GRID1: variants seen among roughly 807,000 people sequenced by gnomAD.
GRID1 encodes the protein glutamate ionotropic receptor delta type subunit 1.
In GRID1, 28 loss-of-function variants were observed where a neutral mutation model predicts 98.0. The ratio of observed to expected loss-of-function variants is 0.29; its 90% CI spans 0.21 to 0.39. The LOEUF (loss-of-function observed/expected upper bound fraction) is 0.39, where lower values mean the gene tolerates loss of function less well. GRID1 is among the 10% of genes least tolerant of loss of function. The probability of loss-of-function intolerance (pLI) is 1.00; values close to 1 mark genes in which losing one functional copy is unlikely to be tolerated. For synonymous variants in GRID1, 553 were observed against 538.5 expected (o/e 1.03, Z -0.37); for missense variants, 1,111 against 1,340.5 (o/e 0.83, Z 2.67).
intron 4 of GRID1, among the ~76,000 whole-genome samples, chr10:86,125,935 G>A (rs568830119): frequency 3.9e-5 from 6 of 152,146 alleles, no homozygotes; most frequent in South Asian, 2.1e-4. Context: ...TTATGTTATC[G>A]GTAAGGCTTC....
intron 4 of GRID1, among the ~76,000 whole-genome samples, chr10:86,015,510 T>G (rs1236602001): frequency 6.6e-6 from 1 of 152,198 alleles, no homozygotes; most frequent in Non-Finnish European, 1.5e-5. Context: ...GATACAAAAA[T>G]GCAAGCACTC....
At chr10:86,150,661 C>G (rs1260008307) in intron 3 of GRID1, among the ~76,000 whole-genome samples, 2 of 152,138 alleles carry the variant, frequency 1.3e-5, no homozygotes, top group Non-Finnish European at 2.9e-5. Flanking sequence ...TTGTGCTCCC[C>G]CAAAATTCAT....
At chr10:85,786,284 C>G (rs55651624) in intron 8 of GRID1, among the ~76,000 whole-genome samples, 1 of 152,212 alleles carries the variant, frequency 6.6e-6, no homozygotes, top group Non-Finnish European at 1.5e-5. Context: ...CAACCACACA[C>G]CAGACACTGC....
chr10:86,146,852 T>C (rs943200552), intron 3 of GRID1, among the ~76,000 whole-genome samples: 28 of 152,162 alleles, frequency 1.8e-4, no homozygotes, highest in Admixed American at 1.8e-3. Context: ...TGTGTTCCAT[T>C]TGCAGACAGT....
intron 12 of GRID1, among the ~76,000 whole-genome samples, chr10:85,688,851 T>C (rs939534375): frequency 6.6e-5 from 10 of 152,136 alleles, no homozygotes; most frequent in African/African-American, 2.2e-4. Flanking sequence ...TTGGTGGTAA[T>C]TGAAGCCTTC....
intron 3 of GRID1, among the ~76,000 whole-genome samples, chr10:86,204,212 T>C (rs1344718337): frequency 6.6e-6 from 1 of 152,200 alleles, no homozygotes; most frequent in Non-Finnish European, 1.5e-5. Flanking sequence ...AGTACCCTTG[T>C]CCTTCTCCCC....
chr10:85,698,066 A>G (rs565257258), intron 12 of GRID1, among the ~76,000 whole-genome samples: 5 of 152,304 alleles, frequency 3.3e-5, no homozygotes, highest in African/African-American at 9.6e-5. Flanking sequence ...CAGGTGACAA[A>G]AAATAAAAAA....
chr10:86,356,826 C>G (rs540524153), intron 2 of GRID1, among the ~76,000 whole-genome samples: 93 of 152,300 alleles, frequency 6.1e-4, no homozygotes, highest in African/African-American at 1.7e-3. Flanking sequence ...TAGAAATTAT[C>G]TGGGAAGAGG....
At chr10:85,626,017 T>A (rs1212056155) in intron 13 of GRID1, among the ~76,000 whole-genome samples, 1 of 151,822 alleles carries the variant, frequency 6.6e-6, no homozygotes, top group East Asian at 1.9e-4. Context: ...ACCACACTGC[T>A]CCCCCCAAAT....
chr10:85,672,952 A>T (rs1841104183), intron 12 of GRID1, among the ~76,000 whole-genome samples: 1 of 152,230 alleles, frequency 6.6e-6, no homozygotes, highest in South Asian at 2.1e-4. Context: ...TGGGCAAAGT[A>T]AATTGAAACC....
chr10:86,071,605 G>T (rs1207632268), intron 4 of GRID1, among the ~76,000 whole-genome samples: 2 of 152,104 alleles, frequency 1.3e-5, no homozygotes, highest in African/African-American at 4.8e-5. Context: ...TCCTTTTTTA[G>T]TAAGCCAACA....
At chr10:85,754,249 TC>T (rs1842074946) in intron 8 of GRID1, among the ~76,000 whole-genome samples, 1 of 152,226 alleles carries the variant, frequency 6.6e-6, no homozygotes, top group African/African-American at 2.4e-5. Flanking sequence ...CAGAGTTGTT[TC>T]TTCTATCAAA....
At chr10:86,035,037 T>C (rs143614788) in intron 4 of GRID1, among the ~76,000 whole-genome samples, 4 of 151,910 alleles carry the variant, frequency 2.6e-5, no homozygotes, top group African/African-American at 9.7e-5. Flanking sequence ...AAATCTAGGA[T>C]CTAGGCTCCA....
At chr10:86,057,812 G>T (rs897049198) in intron 4 of GRID1, among the ~76,000 whole-genome samples, 8 of 152,148 alleles carry the variant, frequency 5.3e-5, no homozygotes, top group African/African-American at 1.9e-4. Flanking sequence ...CCTGGCCATG[G>T]AACTGTTTAG....
At chr10:85,727,680 C>G (rs538074075) in intron 10 of GRID1, among the ~76,000 whole-genome samples, 175 bp downstream of exon 10, 2 of 152,096 alleles carry the variant, frequency 1.3e-5, no homozygotes, top group African/African-American at 4.8e-5. Flanking sequence ...GATACAAGAG[C>G]AGAAATGGAT....
chr10:86,329,808 C>A (rs1848111814), intron 2 of GRID1, among the ~76,000 whole-genome samples: 1 of 152,182 alleles, frequency 6.6e-6, no homozygotes, highest in Non-Finnish European at 1.5e-5. Context: ...CTGGATCTTC[C>A]TTATGAAGTT....
intron 3 of GRID1, among the ~76,000 whole-genome samples, chr10:86,162,184 C>T (rs2131987187): frequency 6.6e-6 from 1 of 152,218 alleles, no homozygotes; most frequent in East Asian, 1.9e-4. Context: ...ACCTCCACAC[C>T]TTTTGGGGCT....
intron 4 of GRID1, among the ~76,000 whole-genome samples, chr10:86,065,767 A>G (rs1843711584): frequency 6.6e-6 from 1 of 152,362 alleles, no homozygotes; most frequent in South Asian, 2.1e-4. Context: ...AAGGATGGTG[A>G]CAATCAAATG....
intron 2 of GRID1, among the ~76,000 whole-genome samples, chr10:86,350,941 TC>T (rs199583253): frequency 0.016 from 2,404 of 152,232 alleles, 72 homozygotes; most frequent in African/African-American, 0.054. Context: ...CTCCCTATCT[TC>T]CCTCCCCCTG....
Sources: allele counts gnomAD v4.1 joint callset (sites outside exome capture counted in the v4.1 genomes callset), GRCh38; gene constraint gnomAD v4.1.1; transcripts MANE v1.5; gene names NCBI Gene and HGNC (gene_info 2026-07-23, HGNC 2026-07-21).